CAPN13: variants seen among roughly 807,000 people sequenced by gnomAD.
CAPN13 encodes calpain-13.
CAPN13 carries 90 observed loss-of-function variants against 98.4 expected under a neutral mutation model. That is an observed-to-expected ratio of 0.92 (90% CI 0.77 to 1.09). CAPN13 has a LOEUF of 1.09. Ranked by LOEUF, CAPN13 falls within the 50% of genes least tolerant of loss-of-function variation. CAPN13 has a pLI of 0.00. For missense variants in CAPN13, 887 were observed against 841.3 expected (o/e 1.05, Z -0.67); for synonymous variants, 330 against 305.5 (o/e 1.08, Z -0.84).
chr2:30,740,930 A>C (rs1671620142), intron 15 of CAPN13, among the ~76,000 whole-genome samples: 1 of 152,150 alleles, frequency 6.6e-6, no homozygotes, highest in African/African-American at 2.4e-5. Flanking sequence ...ATCTGTCTTA[A>C]TTCAATAGAA....
chr2:30,795,731 T>C lies in CAPN13; in HGVS notation c.-32-8374A>G, dbSNP rs575518063. Reference sequence around the variant, plus strand: ...CTTCTTAACTCCTTTACAGTGTCTTTTGATGAACATCAATATTCTTTACAC... The same window carrying C: ...CTTCTTAACTCCTTTACAGTGTCTTCTGATGAACATCAATATTCTTTACAC... On this transcript the variant is annotated intron_variant, in intron 1 of 22. Transcript: ENST00000295055. Among the ~76,000 whole-genome samples the C allele has an allele frequency of 2.1e-3, 314 of 152,232 alleles. 2 individuals are homozygous for C. Among genetic ancestry groups the C allele is most frequent in the African/African-American group, 7.2e-3 (301 of 41,572 alleles).
At chr2:30,740,720 GA>G (rs1671610852) in intron 15 of CAPN13, among the ~76,000 whole-genome samples, 1 of 152,222 alleles carries the variant, frequency 6.6e-6, no homozygotes, top group Non-Finnish European at 1.5e-5. Flanking sequence ...CTGTTGTTTG[GA>G]AAAGTCCTGA....
At chr2:30,724,424 C>T (rs1670788599) in intron 22 of CAPN13, among the ~76,000 whole-genome samples, 1 of 152,170 alleles carries the variant, frequency 6.6e-6, no homozygotes, top group Non-Finnish European at 1.5e-5. Context: ...TCCCCAAAGG[C>T]CACCCCTCCA....
At chr2:30,792,492 T>C (rs1674652866) in intron 1 of CAPN13, among the ~76,000 whole-genome samples, 1 of 152,060 alleles carries the variant, frequency 6.6e-6, no homozygotes, top group Admixed American at 6.5e-5. Context: ...AAATACAATT[T>C]ATCAAAGTTG....
At chr2:30,738,008 C>CA in intron 17 of CAPN13, 2 of 574,530 alleles carry the variant, frequency 3.5e-6, no homozygotes, top group Non-Finnish European at 3.2e-6. Context: ...CACACACACC[C>CA]CAGTACACTG....
intron 2 of CAPN13, among the ~76,000 whole-genome samples, chr2:30,782,213 T>TGG (rs1558335733): frequency 4.6e-5 from 7 of 151,908 alleles, no homozygotes; most frequent in South Asian, 2.1e-4. Flanking sequence ...ACAGCACTCT[T>TGG]CATATTTCTG....
chr2:30,800,599 G>A (rs923738254), intron 1 of CAPN13, among the ~76,000 whole-genome samples: 5 of 152,182 alleles, frequency 3.3e-5, no homozygotes, highest in African/African-American at 9.7e-5. Context: ...GGTTGGTCTC[G>A]CACTTCTAAG....
At chr2:30,747,975 A>G (rs1253069140) in intron 11 of CAPN13, among the ~76,000 whole-genome samples, 1 of 152,226 alleles carries the variant, frequency 6.6e-6, no homozygotes, top group Non-Finnish European at 1.5e-5. Context: ...ATGTCATTTT[A>G]AAAATGGGGT....
intron 1 of CAPN13, among the ~76,000 whole-genome samples, chr2:30,804,660 T>C (rs987024144): frequency 3.3e-5 from 5 of 152,168 alleles, no homozygotes; most frequent in South Asian, 2.1e-4. Context: ...GACCAAAAGA[T>C]AGAGTCCCAA....
Position 30,764,154 on chromosome 2 carries a change from A to G in CAPN13, c.677T>C (p.Ile226Thr), listed in dbSNP as rs758356042. Reference sequence around the variant, plus strand: ...TACCCCACTTGGAGTGGCACAGGTTATCAGGGAGCCTGCCTTGGTCGCTGT... The same window carrying G: ...TACCCCACTTGGAGTGGCACAGGTTGTCAGGGAGCCTGCCTTGGTCGCTGT... ...VKTATKAGSL[I>T]TCATPSGPTD... Residue 226 changes from isoleucine (I) to threonine (T), a missense_variant, in exon 6 of 23, where the codon ATA (isoleucine) becomes ACA (threonine). Ile to Thr is a moderately conservative substitution (Grantham distance 89, BLOSUM62 -1). Coordinates refer to ENST00000295055, the MANE Select transcript of CAPN13 (RefSeq NM_144575.3). The G allele has an allele frequency of 3.8e-6, 6 of 1,580,680 alleles. No individual in the cohort carries two copies. The highest frequency in any genetic ancestry group is 4.3e-6 in the Non-Finnish European group (5 of 1,162,892).
At chr2:30,758,642 G>C (rs1476784837) in intron 7 of CAPN13, among the ~76,000 whole-genome samples, 2 of 152,150 alleles carry the variant, frequency 1.3e-5, no homozygotes, top group Non-Finnish European at 2.9e-5. Flanking sequence ...AGACTGAGAT[G>C]GCCTGTGAAC....
At chr2:30,732,403 C>G (rs1444144757) in intron 20 of CAPN13, 35 bp downstream of exon 20, 1 of 1,611,240 alleles carries the variant, frequency 6.2e-7, no homozygotes, top group Non-Finnish European at 8.5e-7. Flanking sequence ...TCGGTCACTG[C>G]CAAGGTCTCT....
At chr2:30,738,050 A>G in intron 17 of CAPN13, 185 bp downstream of exon 17, 1 of 654,938 alleles carries the variant, frequency 1.5e-6, no homozygotes, top group Non-Finnish European at 2.8e-6. Flanking sequence ...GATAGATGGT[A>G]ACTATTATCA....
chr2:30,736,937 C>T (rs1285422991), intron 17 of CAPN13, among the ~76,000 whole-genome samples: 2 of 152,096 alleles, frequency 1.3e-5, no homozygotes, highest in Admixed American at 6.5e-5. Flanking sequence ...CAGCCACAGG[C>T]GAGCACATAG....
intron 15 of CAPN13, among the ~76,000 whole-genome samples, chr2:30,739,441 AG>A (rs748061950): frequency 3.0e-4 from 45 of 152,088 alleles, no homozygotes; most frequent in Non-Finnish European, 6.2e-4. Context: ...GAGCCTGTCC[AG>A]ATGGGGTCCT....
intron 5 of CAPN13, among the ~76,000 whole-genome samples, chr2:30,767,391 G>A (rs1673166154): frequency 1.3e-5 from 2 of 152,124 alleles, no homozygotes; most frequent in African/African-American, 2.4e-5. Context: ...CCAGGTCCAC[G>A]TTCCTATTTC....
intron 5 of CAPN13, among the ~76,000 whole-genome samples, chr2:30,767,381 C>A (rs552825212): frequency 1.3e-5 from 2 of 152,256 alleles, no homozygotes; most frequent in African/African-American, 4.8e-5. Flanking sequence ...AATGCGGATG[C>A]CAGGTCCACG....
intron 12 of CAPN13, chr2:30,745,301 C>T: frequency 2.1e-6 from 1 of 478,716 alleles, no homozygotes; most frequent in Admixed American, 2.3e-5. Flanking sequence ...AAGACGGGCT[C>T]AAGGATGTAC....
At chr2:30,772,523 G>T (rs950714552) in intron 4 of CAPN13, among the ~76,000 whole-genome samples, 1 of 152,184 alleles carries the variant, frequency 6.6e-6, no homozygotes, top group Non-Finnish European at 1.5e-5. Context: ...CACCAATGCT[G>T]GCACCCTGGG....
Sources: gnomAD v4.1 joint callset for allele counts (sites outside exome capture counted in the v4.1 genomes callset) on GRCh38, gnomAD v4.1.1 for gene constraint, MANE v1.5 for transcripts, NCBI Gene and HGNC (gene_info 2026-07-23, HGNC 2026-07-21) for gene names.